Variants in ZKSCAN4 observed in about 807,000 individuals in gnomAD.
ZKSCAN4 encodes zinc finger protein with KRAB and SCAN domains 4.
In ZKSCAN4, 23 loss-of-function variants were observed where a neutral mutation model predicts 30.8. The ratio of observed to expected loss-of-function variants is 0.75; its 90% CI spans 0.54 to 1.06. ZKSCAN4 has a LOEUF of 1.06. Among genes scored for constraint, ZKSCAN4 ranks in the 50% least tolerant of loss-of-function variants. ZKSCAN4 has a pLI of 0.00. For missense variants in ZKSCAN4, 556 were observed against 665.4 expected, an observed-to-expected ratio of 0.84 and a Z score of 1.81; for synonymous variants, 208 against 252.5, an observed-to-expected ratio of 0.82 and a Z score of 1.67.
rs745358259 is a variant in ZKSCAN4, at chr6:28,252,114, C to A, written c.-134G>T. The stretch of plus-strand genomic sequence containing the variant: ...CTGTCATGCCCAGGGGCCCAGGACA[C>A]CCCCTGAGGCGCAGCTGCACAGATC... On this transcript the variant is annotated 5_prime_UTR_variant, in exon 1 of 5. Coordinates refer to ENST00000377294, the MANE Select transcript of ZKSCAN4 (RefSeq NM_019110.5). The A allele has an allele frequency of 7.2e-5, 66 of 915,296 alleles. No individual in the cohort carries two copies. The highest frequency in any genetic ancestry group is 8.9e-5 in the Non-Finnish European group (55 of 618,250). The allele number at this position is 915,296 out of a possible 1,614,324, so 56.7% of individuals were successfully genotyped here.
Position 28,246,991 on chromosome 6 carries a change from G to C in ZKSCAN4, c.756C>G (p.Asn252Lys), listed in dbSNP as rs751507845. 2 of 1,612,118 alleles carry C rather than the reference G, an allele frequency of 1.2e-6. No homozygotes were observed. The highest frequency in any genetic ancestry group is 2.2e-5 in the South Asian group (2 of 90,548). ...VNLYRDEKQE[N>K]HSSLVSLGGE... is the part of the protein sequence containing the mutation. ...TACCAAGGGAGACCAGGCTGCTATG[G>C]TTCTCCTGCTTTTCATCTCTGTAGA... Residue 252 changes from asparagine to lysine, a missense_variant, in exon 4 of 5, where the codon AAC becomes AAG. Physicochemically the swap from Asn to Lys is moderately conservative, Grantham distance 94. This residue lies in a region of ZKSCAN4 where 433 missense variants were observed against 511.5 expected (regional missense o/e 0.85). Transcript: ENST00000377294.
At chr6:28,254,761 G>A (rs1448964863), upstream of ZKSCAN4, among the ~76,000 whole-genome samples, 1 of 152,168 alleles carries the variant, frequency 6.6e-6, no homozygotes. Context: ...GCCCTGCGAC[G>A]GCATTTTCTT....
rs1402329771 is a variant in ZKSCAN4, at chr6:28,243,421, TCATGA to T, written c.*1690_*1694del. Among the ~76,000 whole-genome samples the T allele has an allele frequency of 6.6e-6, 1 of 152,192 alleles. No homozygotes were observed. The highest frequency in any genetic ancestry group is 1.5e-5 in the Non-Finnish European group (1 of 68,028). On this transcript the variant is annotated 3_prime_UTR_variant, in exon 5 of 5. Transcript: ENST00000377294. Reference sequence around the variant, plus strand: ...GGATTTCATCAGAAGCAGAATCCATTCATGACAGTCTGGCAATGCTGGAAGATGGT... The same window carrying T: ...GGATTTCATCAGAAGCAGAATCCATTCAGTCTGGCAATGCTGGAAGATGGT...
At chr6:28,256,176 C>T (rs1761169765), upstream of ZKSCAN4, among the ~76,000 whole-genome samples, 1 of 152,134 alleles carries the variant, frequency 6.6e-6, no homozygotes, top group South Asian at 2.1e-4. Flanking sequence ...AATGCTAGCA[C>T]TTTCTGAGGC....
chr6:28,254,366 C>T (rs1761120558), upstream of ZKSCAN4, among the ~76,000 whole-genome samples: 1 of 152,196 alleles, frequency 6.6e-6, no homozygotes, highest in Non-Finnish European at 1.5e-5. Context: ...TTCTGAGTCA[C>T]TTGGTCATGG....
the ZKSCAN4 span, among the ~76,000 whole-genome samples, chr6:28,258,838 A>C: frequency 3.9e-5 from 6 of 151,928 alleles, no homozygotes; most frequent in East Asian, 1.9e-4. Flanking sequence ...CTGATTCCAA[A>C]AGAAGTTTTG....
At position 28,249,986 on chromosome 6, in the gene ZKSCAN4, TATG is replaced by T. The variant is rs989163017; in HGVS notation, c.424-155_424-153del. The stretch of plus-strand genomic sequence containing the variant: ...CCTGTGAGCTATTATTTTGGATTTT[TATG>T]ATAAGTTGCTGAAAACGGAGATGTG... On this transcript the variant is annotated intron_variant, in intron 1 of 4. Transcript: ENST00000377294. This position sits in a 1 kb window ranked among gnomAD's most constrained non-coding sequence, Gnocchi z 4.1. 1.8e-5 allele frequency: 16 copies of T among 896,386 alleles called. No individual in the cohort carries two copies. In the African/African-American group the frequency reaches 2.1e-4, roughly 12 times the overall value. 55.5% of individuals were successfully genotyped at this position (896,386 alleles called of 1,614,324 possible). A position where few individuals can be genotyped will look rare whatever the true frequency, so the allele number is the denominator to read the frequency against.
chr6:28,249,721 A>G lies in ZKSCAN4; in HGVS notation c.537T>C (p.His179=), dbSNP rs1005112827. Residue 179 remains histidine, a synonymous_variant, in exon 2 of 5, where the codon CAT becomes CAC. Transcript: ENST00000377294. This position sits in a 1 kb window ranked among gnomAD's most constrained non-coding sequence, Gnocchi z 4.1. ...QCQPMKALFK[H]ESLGSQPLHD... ...GTAAGGGCTGGGATCCCAGAGATTC[A>G]TGCTTGAACAGAGCCTTCATTGGCT... 1.2e-6 allele frequency: 2 copies of G among 1,614,152 alleles called. No homozygotes were observed. The highest frequency in any genetic ancestry group is 1.7e-6 in the Non-Finnish European group (2 of 1,179,996).
rs375809760 is a variant in ZKSCAN4 at position 28,249,894 on chromosome 6, A to G, written c.424-60T>C. 2.2e-5 allele frequency: 35 copies of G among 1,587,398 alleles called. No homozygotes were observed. In the East Asian group the frequency reaches 3.1e-4, roughly 14 times the overall value. ...TTTCTATGTTTTCCATGTGCAAGTG[A>G]TTTCTATTTTCTAGGCACTGTTTCT... On this transcript the variant is annotated intron_variant, in intron 1 of 4. Coordinates refer to ENST00000377294, the MANE Select transcript of ZKSCAN4 (RefSeq NM_019110.5). This position sits in a 1 kb window ranked among gnomAD's most constrained non-coding sequence, Gnocchi z 4.1.
chr6:28,248,759 C>T (rs1316172057), intron 2 of ZKSCAN4, among the ~76,000 whole-genome samples: 1 of 143,504 alleles, frequency 7.0e-6, no homozygotes, highest in Non-Finnish European at 1.5e-5. Flanking sequence ...GCCTGGGAGA[C>T]AGGTTGCAGT....
chr6:28,257,122 G>A (rs772059674), upstream of ZKSCAN4, among the ~76,000 whole-genome samples: 1 of 151,890 alleles, frequency 6.6e-6, no homozygotes, highest in Non-Finnish European at 1.5e-5. Context: ...ATTATAGTTT[G>A]AATAATAATA....
At chr6:28,252,381 C>T (rs908977247), upstream of ZKSCAN4, among the ~76,000 whole-genome samples, 3 of 151,890 alleles carry the variant, frequency 2.0e-5, no homozygotes, top group Admixed American at 6.6e-5. Context: ...CTTACCTCCA[C>T]GCAAGGGAAG....
rs138765444 is a variant in ZKSCAN4 at position 28,251,599 on chromosome 6, A to G, written c.382T>C (p.Leu128=). The change falls in exon 1 of 5, where the codon TTG becomes CTG. Residue 128 remains leucine, a synonymous_variant. Transcript: ENST00000377294. This position sits in a 1 kb window ranked among gnomAD's most constrained non-coding sequence, Gnocchi z 4.5. ...TCCAGCTGCCTCTCCAAATACTCCA[A>G]TAGCACCACCACCTCCTCCCCGCTC... is the stretch of plus-strand genomic sequence containing the variant. ...PESGEEVVVL[L]EYLERQLDEP... is the part of the protein sequence containing the mutation. 4,190 of 1,614,094 alleles carry G rather than the reference A, an allele frequency of 2.6e-3. 16 individuals are homozygous for G. The Middle Eastern group carries it at 0.027, about 10-fold the overall frequency.
chr6:28,246,907 A>G (rs1760759850), intron 4 of ZKSCAN4, 62 bp downstream of exon 4: 1 of 1,536,918 alleles, frequency 6.5e-7, no homozygotes, highest in Admixed American at 2.0e-5. Context: ...TAACAGCCCA[A>G]TAGGTTCTAA....
chr6:28,252,072 T>G lies in ZKSCAN4; in HGVS notation c.-92A>C. The G allele has an allele frequency of 7.2e-7, 1 of 1,391,206 alleles. No homozygotes were observed. Among genetic ancestry groups the G allele is most frequent in the South Asian group, 1.5e-5 (1 of 65,230 alleles). 86.2% of individuals were successfully genotyped at this position (1,391,206 alleles called of 1,614,324 possible). A position where few individuals can be genotyped will look rare whatever the true frequency, so the allele number is the denominator to read the frequency against. ...AGGGTGGTAAATTTTCCAGTAGAAC[T>G]GCAAGTGGTCCCCCTCCTGTCATGC... On this transcript the variant is annotated 5_prime_UTR_variant, in exon 1 of 5. Transcript: ENST00000377294.
At chr6:28,257,387 G>C in the ZKSCAN4 span, among the ~76,000 whole-genome samples, 4 of 152,104 alleles carry the variant, frequency 2.6e-5, no homozygotes, top group African/African-American at 9.7e-5. Context: ...AAGGGCCTGT[G>C]GGGGGTGGAG....
rs75876212 is a variant in ZKSCAN4, at chr6:28,244,013, A to G, written c.*1103T>C. Among the ~76,000 whole-genome samples, 3,405 of 152,252 alleles carry G rather than the reference A, an allele frequency of 0.022. 66 individuals are homozygous for G. Among genetic ancestry groups the G allele is most frequent in the African/African-American group, 0.06 (2,500 of 41,542 alleles). On this transcript the variant is annotated 3_prime_UTR_variant, in exon 5 of 5. Coordinates refer to ENST00000377294, the MANE Select transcript of ZKSCAN4 (RefSeq NM_019110.5). ...CACTCAGATGTGAGTTTCTATCCTCATAGGCTGCCTCTAACCTGATCTTCC... is the reference window on the plus strand; with the variant it reads ...CACTCAGATGTGAGTTTCTATCCTCGTAGGCTGCCTCTAACCTGATCTTCC...
At position 28,251,766 on chromosome 6, in the gene ZKSCAN4, C is replaced by T; in HGVS notation, c.215G>A (p.Ser72Asn). The T allele has an allele frequency of 6.2e-7, 1 of 1,614,210 alleles. No homozygotes were observed. Among genetic ancestry groups the T allele is most frequent in the South Asian group, 1.1e-5 (1 of 91,086 alleles). The change falls in exon 1 of 5, where the codon AGC becomes AAC. Residue 72 changes from serine (S) to asparagine (N), a missense_variant. By Grantham distance (46) the Ser-to-Asn change is conservative. Transcript: ENST00000377294. The surrounding 1 kb of genome is among the most constrained non-coding windows in gnomAD (Gnocchi z 4.5). ...PEAAGPREALSRLRELCGQWL... is the reference protein window; with the variant it reads ...PEAAGPREALNRLRELCGQWL... ...TTGTCCGCAGAGTTCTCGGAGCCGG[C>T]TCAACGCCTCGCGGGGGCCCGCAGC...
At chr6:28,257,116 T>C (rs925833165), upstream of ZKSCAN4, among the ~76,000 whole-genome samples, 7 of 152,318 alleles carry the variant, frequency 4.6e-5, no homozygotes, top group East Asian at 1.3e-3. Flanking sequence ...TCAATTATTA[T>C]AGTTTGAATA....
Sources: gnomAD v4.1 joint callset for allele counts (sites outside exome capture counted in the v4.1 genomes callset) on GRCh38, gnomAD v4.1.1 for gene constraint, gnomAD v4.1.1 regional missense constraint, Gnocchi (gnomAD v3.1) non-coding constraint, MANE v1.5 for transcripts, NCBI Gene and HGNC (gene_info 2026-07-23, HGNC 2026-07-21) for gene names.